Variants in GPC5 observed in about 807,000 individuals in gnomAD.
GPC5 encodes glypican 5.
GPC5 carries 47 observed loss-of-function variants against 53.9 expected under a neutral mutation model. That is an observed-to-expected ratio of 0.87 (90% CI 0.69 to 1.11). GPC5 has a LOEUF of 1.11. Among genes scored for constraint, GPC5 ranks in the 50% most tolerant of loss-of-function variants. GPC5 has a pLI of 0.00. For missense variants in GPC5, 748 were observed against 713.1 expected (o/e 1.05, Z -0.56); for synonymous variants, 286 against 263.3 (o/e 1.09, Z -0.84).
At chr13:91,939,345 AT>A (rs1167861079) in intron 6 of GPC5, among the ~76,000 whole-genome samples, 1 of 152,180 alleles carries the variant, frequency 6.6e-6, no homozygotes, top group African/African-American at 2.4e-5. Context: ...AACAAGCAAG[AT>A]TCAGAGTAGT....
chr13:91,918,838 G>GT lies in GPC5; in HGVS notation c.1401+10787dup, dbSNP rs1461848392. 1.2e-4 allele frequency among the ~76,000 whole-genome samples: 19 copies of GT among 152,060 alleles called. No homozygotes were observed. In the South Asian group the frequency reaches 1.5e-3, roughly 12 times the overall value. ...TCTCTTTATTTCCTTTAAATGCTATGTTTTTTCTGGGTTCCCACGCAGTCC... is the reference window on the plus strand; with the variant it reads ...TCTCTTTATTTCCTTTAAATGCTATGTTTTTTTCTGGGTTCCCACGCAGTCC... On this transcript the variant is annotated intron_variant, in intron 6 of 7. Transcript: ENST00000377067.
intron 7 of GPC5, among the ~76,000 whole-genome samples, chr13:92,545,175 T>G (rs961984598): frequency 1.2e-4 from 18 of 152,058 alleles, no homozygotes; most frequent in African/African-American, 3.9e-4. Flanking sequence ...TGGTGGTTGG[T>G]TTTTTGTCCT....
intron 7 of GPC5, among the ~76,000 whole-genome samples, chr13:92,646,966 G>GTGTGTGTGTGTA (rs1462533037): frequency 2.7e-5 from 4 of 145,884 alleles, no homozygotes; most frequent in Non-Finnish European, 3.0e-5. Context: ...GTGTGTGTGT[G>GTGTGTGTGTGTA]TATATAAACC....
In GPC5 at chr13:92,056,061, C is replaced by A. The variant is rs888187955; in HGVS notation, c.1402-88769C>A. On this transcript the variant is annotated intron_variant, in intron 6 of 7. Transcript: ENST00000377067. ...TTAATAGTTTGTTTCCTATTGCTCC[C>A]ATACCCAACTACTATAAATTTAGTG... Among the ~76,000 whole-genome samples, 3 of 152,192 alleles carry A rather than the reference C, an allele frequency of 2.0e-5. No individual in the cohort carries two copies. In the East Asian group the frequency reaches 5.8e-4, roughly 29 times the overall value.
intron 7 of GPC5, among the ~76,000 whole-genome samples, chr13:92,299,831 T>A (rs753831826): frequency 1.4e-4 from 22 of 152,202 alleles, no homozygotes; most frequent in Non-Finnish European, 2.6e-4. Flanking sequence ...CTAAATATTT[T>A]ATACATAGTA....
chr13:92,527,186 A>AGAAAG lies in GPC5; in HGVS notation c.1562-339096_1562-339095insGAAAG, dbSNP rs1566276885. ...AAAGAAAGAAAGAGAAAGAAAGAAG[A>AGAAAG]AAGAAAGAAAGAAAGAAAGAAAGAA... On this transcript the variant is annotated intron_variant, in intron 7 of 7. Coordinates refer to ENST00000377067, the MANE Select transcript of GPC5 (RefSeq NM_004466.6). 1.7e-4 allele frequency among the ~76,000 whole-genome samples: 3 copies of AGAAAG among 17,666 alleles called. 1 individual carries two copies. Among genetic ancestry groups the AGAAAG allele is most frequent in the Non-Finnish European group, 2.0e-4 (2 of 9,920 alleles). The allele number at this position is 17,666 out of a possible 152,430, so 11.6% of individuals were successfully genotyped here.
chr13:92,630,097 T>G (rs552614227), intron 7 of GPC5, among the ~76,000 whole-genome samples: 27 of 152,250 alleles, frequency 1.8e-4, no homozygotes, highest in African/African-American at 6.0e-4. Flanking sequence ...CAGAATGTAT[T>G]TGACTCCTAT....
intron 5 of GPC5, among the ~76,000 whole-genome samples, chr13:91,880,603 G>T (rs1240156016): frequency 1.3e-5 from 2 of 152,072 alleles, no homozygotes. Flanking sequence ...TCACTCGTCA[G>T]ACATTTTTTG....
rs143331086 is a variant in GPC5, at chr13:92,314,782, T to G, written c.1561+169793T>G. On this transcript the variant is annotated intron_variant, in intron 7 of 7. Coordinates refer to ENST00000377067, the MANE Select transcript of GPC5 (RefSeq NM_004466.6). ...GTGCTCTATTTTTATTTTTATTTAT[T>G]TATTTTCAGAGACCTAGTCTTGCTC... Among the ~76,000 whole-genome samples the G allele has an allele frequency of 1.0e-3, 155 of 152,262 alleles. 1 individual carries two copies. Among genetic ancestry groups the G allele is most frequent in the South Asian group, 6.6e-3 (32 of 4,824 alleles).
At chr13:91,521,753 C>CCAT (rs1434847449) in intron 2 of GPC5, among the ~76,000 whole-genome samples, 2 of 152,332 alleles carry the variant, frequency 1.3e-5, no homozygotes, top group East Asian at 3.9e-4. Flanking sequence ...GATTCTGACA[C>CCAT]CATCTACCTA....
intron 7 of GPC5, among the ~76,000 whole-genome samples, chr13:92,727,514 G>C (rs971313192): frequency 1.3e-5 from 2 of 151,226 alleles, no homozygotes; most frequent in Non-Finnish European, 3.0e-5. Context: ...ATTTCTGCAT[G>C]GGTGTCCACC....
chr13:91,576,640 C>T (rs1309417520), intron 2 of GPC5, among the ~76,000 whole-genome samples: 1 of 152,078 alleles, frequency 6.6e-6, no homozygotes, highest in Non-Finnish European at 1.5e-5. Flanking sequence ...ACCACGCTGC[C>T]CCTCCTGATG....
chr13:91,456,013 C>G (rs16945959), intron 2 of GPC5, among the ~76,000 whole-genome samples: 2 of 152,012 alleles, frequency 1.3e-5, no homozygotes, highest in Non-Finnish European at 2.9e-5. Flanking sequence ...TCCATGAAGC[C>G]GCCATTCTCA....
intron 7 of GPC5, among the ~76,000 whole-genome samples, chr13:92,635,232 C>G (rs980128010): frequency 6.6e-6 from 1 of 152,030 alleles, no homozygotes; most frequent in Non-Finnish European, 1.5e-5. Flanking sequence ...TTTGATATTT[C>G]GTAAACAGAG....
chr13:91,499,162 G>C (rs1427082933), intron 2 of GPC5, among the ~76,000 whole-genome samples: 4 of 152,074 alleles, frequency 2.6e-5, no homozygotes, highest in Non-Finnish European at 5.9e-5. Context: ...ACAAGTCAAA[G>C]GTGGCTTTGG....
At chr13:91,752,972 A>G (rs9560848) in intron 4 of GPC5, among the ~76,000 whole-genome samples, 16,284 of 152,210 alleles carry the variant, frequency 0.11, 1,062 homozygotes, top group East Asian at 0.33. Context: ...TGATTTCTCT[A>G]TCTAGACATT....
intron 7 of GPC5, among the ~76,000 whole-genome samples, chr13:92,661,175 C>T (rs1449323361): frequency 6.6e-6 from 1 of 151,798 alleles, no homozygotes; most frequent in Non-Finnish European, 1.5e-5. Context: ...TGCGCATACA[C>T]TCCCAGCTAC....
intron 6 of GPC5, among the ~76,000 whole-genome samples, chr13:92,040,086 T>G (rs2040930076): frequency 6.6e-6 from 1 of 152,200 alleles, no homozygotes; most frequent in East Asian, 1.9e-4. Context: ...TGGAGAGTAA[T>G]TAAAATGAGC....
chr13:92,479,279 C>T (rs1245471437), intron 7 of GPC5, among the ~76,000 whole-genome samples: 50 of 152,130 alleles, frequency 3.3e-4, no homozygotes, highest in Admixed American at 3.3e-3. Context: ...AAGAGAGTTT[C>T]AGTGACTAAG....
Sources: allele counts gnomAD v4.1 joint callset (sites outside exome capture counted in the v4.1 genomes callset), GRCh38; gene constraint gnomAD v4.1.1; transcripts MANE v1.5; gene names NCBI Gene and HGNC (gene_info 2026-07-23, HGNC 2026-07-21).